Variants in ALDH1A2 observed in about 807,000 individuals in gnomAD.
ALDH1A2 encodes retinal dehydrogenase 2.
In ALDH1A2, 27 loss-of-function variants were observed where a neutral mutation model predicts 60.3. The observed-to-expected ratio is 0.45, with a 90% CI of 0.33 to 0.62. ALDH1A2 has a LOEUF of 0.62. Ranked by LOEUF, ALDH1A2 falls within the 20% of genes least tolerant of loss-of-function variation. The probability of loss-of-function intolerance (pLI) is 0.02; values close to 1 mark genes in which losing one functional copy is unlikely to be tolerated. For synonymous variants in ALDH1A2, 289 were observed against 232.4 expected, an observed-to-expected ratio of 1.24 and a Z score of -2.21; for missense variants, 581 against 643.8, an observed-to-expected ratio of 0.90 and a Z score of 1.06.
At chr15:57,995,585 C>G (rs966831714) in intron 4 of ALDH1A2, among the ~76,000 whole-genome samples, 1 of 151,930 alleles carries the variant, frequency 6.6e-6, no homozygotes, top group East Asian at 1.9e-4. Context: ...TTAAAATGCT[C>G]GGCAACTGGA....
chr15:57,991,065 C>A (rs1260826048), intron 7 of ALDH1A2, among the ~76,000 whole-genome samples: 6 of 152,062 alleles, frequency 3.9e-5, no homozygotes, highest in Non-Finnish European at 8.8e-5. Flanking sequence ...TTAAATCACA[C>A]CCCTAAATTA....
chr15:58,035,255 C>G (rs1270047374), intron 1 of ALDH1A2, among the ~76,000 whole-genome samples: 1 of 151,654 alleles, frequency 6.6e-6, no homozygotes, highest in Non-Finnish European at 1.5e-5. Context: ...TATAATATTT[C>G]TGTATTATTC....
chr15:58,003,525 C>T (rs74017102), intron 4 of ALDH1A2, among the ~76,000 whole-genome samples: 218 of 151,940 alleles, frequency 1.4e-3, no homozygotes, highest in African/African-American at 4.9e-3. Flanking sequence ...GCTAACATAT[C>T]GTAAGTCCAT....
At chr15:57,963,595 G>C (rs1406239270) in intron 9 of ALDH1A2, among the ~76,000 whole-genome samples, 1 of 151,820 alleles carries the variant, frequency 6.6e-6, no homozygotes, top group Non-Finnish European at 1.5e-5. Context: ...CGCCCGCCTC[G>C]GCCTCCCTAA....
intron 1 of ALDH1A2, among the ~76,000 whole-genome samples, chr15:58,048,059 C>T (rs376897334): frequency 6.6e-6 from 1 of 151,836 alleles, no homozygotes; most frequent in African/African-American, 2.4e-5. Flanking sequence ...ATATTGCAGG[C>T]CCTGAACCCC....
At chr15:57,995,229 A>AG (rs1895014858) in intron 4 of ALDH1A2, 90 bp from the exon 5 acceptor site, 2 of 754,478 alleles carry the variant, frequency 2.7e-6, no homozygotes, top group South Asian at 1.5e-5. Flanking sequence ...AAAAAAAAAA[A>AG]AAAAAAACAA....
intron 1 of ALDH1A2, among the ~76,000 whole-genome samples, chr15:58,045,262 G>C (rs1262614884): frequency 6.6e-6 from 1 of 152,078 alleles, no homozygotes; most frequent in African/African-American, 2.4e-5. Context: ...TGGAGAGGAG[G>C]TGGAGAAACA....
chr15:57,991,956 C>T (rs1894909457), intron 7 of ALDH1A2, among the ~76,000 whole-genome samples: 1 of 152,146 alleles, frequency 6.6e-6, no homozygotes. Flanking sequence ...GACTCTGTAA[C>T]AGGGATCTGT....
In ALDH1A2 at chr15:58,036,150, C is replaced by A. The variant is rs532074513; in HGVS notation, c.118-21869G>T. Among the ~76,000 whole-genome samples the A allele has an allele frequency of 6.6e-5, 10 of 151,730 alleles. No homozygotes were observed. In the South Asian group the frequency reaches 1.9e-3, roughly 28 times the overall value. The stretch of plus-strand genomic sequence containing the variant: ...GAAGTAATAGTATATTTTTAGATGA[C>A]ATTATTGTCTATGTAGAAATTCCTT... On this transcript the variant is annotated intron_variant, in intron 1 of 12. Transcript: ENST00000249750.
intron 1 of ALDH1A2, among the ~76,000 whole-genome samples, chr15:58,016,455 G>A (rs148877722): frequency 0.014 from 2,135 of 152,084 alleles, 25 homozygotes; most frequent in African/African-American, 0.033. Flanking sequence ...CAGTTTTTAG[G>A]TTTCTCTGTG....
intron 1 of ALDH1A2, among the ~76,000 whole-genome samples, chr15:58,016,763 GA>G (rs1236283547): frequency 1.2e-4 from 18 of 150,936 alleles, no homozygotes; most frequent in East Asian, 3.9e-4. Flanking sequence ...CTAAAATAAG[GA>G]AAAAAAAATT....
Position 57,961,096 on chromosome 15 carries a change from A to T in ALDH1A2, c.1409+41T>A, listed in dbSNP as rs192375952. ...TTGTTTATTTCACCCTGGTCCCTAT[A>T]CCACCAGTGGAATTTGTTACAAGAC... On this transcript the variant is annotated intron_variant, in intron 11 of 12. Coordinates refer to ENST00000249750, the MANE Select transcript of ALDH1A2 (RefSeq NM_003888.4). 2,321 of 1,610,504 alleles carry T rather than the reference A, an allele frequency of 1.4e-3. 28 individuals carry two copies. The Admixed American group carries it at 0.02, about 14-fold the overall frequency.
At chr15:57,981,217 G>A (rs2140475165) in intron 7 of ALDH1A2, among the ~76,000 whole-genome samples, 1 of 150,728 alleles carries the variant, frequency 6.6e-6, no homozygotes, top group South Asian at 2.1e-4. Flanking sequence ...TACCAAAAAA[G>A]AAAAAGGATT....
intron 1 of ALDH1A2, among the ~76,000 whole-genome samples, chr15:58,057,203 T>C (rs1475245460): frequency 6.6e-6 from 1 of 152,090 alleles, no homozygotes; most frequent in Non-Finnish European, 1.5e-5. Context: ...TTAGGATATA[T>C]TCAAAGAATG....
chr15:57,967,485 G>T (rs1042213686), intron 7 of ALDH1A2, among the ~76,000 whole-genome samples: 17 of 152,024 alleles, frequency 1.1e-4, no homozygotes, highest in African/African-American at 4.1e-4. Context: ...CAGGTCTCCC[G>T]TAGATCTCCC....
At chr15:58,005,646 G>C (rs1451699262) in intron 4 of ALDH1A2, among the ~76,000 whole-genome samples, 1 of 151,866 alleles carries the variant, frequency 6.6e-6, no homozygotes, top group Non-Finnish European at 1.5e-5. Flanking sequence ...TGTTATGCTG[G>C]ATGAACCATG....
chr15:58,047,866 C>A (rs1896673354), intron 1 of ALDH1A2, among the ~76,000 whole-genome samples: 1 of 151,810 alleles, frequency 6.6e-6, no homozygotes, highest in Non-Finnish European at 1.5e-5. Flanking sequence ...GAAAAAACAC[C>A]TAGATGATTG....
chr15:57,968,672 G>C (rs141407295), intron 7 of ALDH1A2, among the ~76,000 whole-genome samples: 2 of 152,140 alleles, frequency 1.3e-5, no homozygotes, highest in African/African-American at 4.8e-5. Context: ...CAAGAAACAA[G>C]CAAAAGCCAG....
chr15:57,993,031 C>CT lies in ALDH1A2; in HGVS notation c.597dup (p.Ala200SerfsTer11). ...ACTACTGTATTGCCACAGCACAAAG[C>CT]TGGAGCTATTTTCCAGGCAAACATC... is the stretch of plus-strand genomic sequence containing the variant. On this transcript the variant is annotated frameshift_variant, in exon 6 of 13. Coordinates refer to ENST00000249750, the MANE Select transcript of ALDH1A2 (RefSeq NM_003888.4). LOFTEE classifies it high-confidence loss of function. The CT allele has an allele frequency of 6.2e-7, 1 of 1,613,410 alleles. No individual in the cohort carries two copies. Among genetic ancestry groups the CT allele is most frequent in the Non-Finnish European group, 8.5e-7 (1 of 1,179,950 alleles).
Sources: gnomAD v4.1 joint callset for allele counts (sites outside exome capture counted in the v4.1 genomes callset) on GRCh38, gnomAD v4.1.1 for gene constraint, MANE v1.5 for transcripts, NCBI Gene and HGNC (gene_info 2026-07-23, HGNC 2026-07-21) for gene names.